The following MTIF2 variants were observed in gnomAD, a reference collection of about 807,000 sequenced individuals.
MTIF2 encodes the protein mitochondrial translational initiation factor 2, also known as translation initiation factor IF-2, mitochondrial.
Under a neutral mutation model 83.5 loss-of-function variants are expected in MTIF2, and 71 were observed. The observed-to-expected ratio is 0.85, with a 90% CI of 0.70 to 1.04. The LOEUF is 1.04. Ranked by LOEUF, MTIF2 falls within the 50% of genes least tolerant of loss-of-function variation. The pLI is 0.00. For synonymous variants in MTIF2, 319 were observed against 287.1 expected (o/e 1.11, Z -1.12); for missense variants, 957 against 846.5 (o/e 1.13, Z -1.62).
rs1676933022 is a variant in MTIF2, at chr2:55,249,419, T to G, written c.957A>C (p.Gln319His). 1.2e-6 allele frequency: 2 copies of G among 1,614,066 alleles called. No individual in the cohort carries two copies. Among genetic ancestry groups the G allele is most frequent in the Non-Finnish European group, 1.7e-6 (2 of 1,180,030 alleles). ...VVCEDYGGDVQAVPVSALTGD... is the reference protein window; with the variant it reads ...VVCEDYGGDVHAVPVSALTGD... ...CCGTAAGTGCGGAGACAGGCACTGCTTGAACATCACCTCCATAATCTTCAC... is the reference window on the plus strand; with the variant it reads ...CCGTAAGTGCGGAGACAGGCACTGCGTGAACATCACCTCCATAATCTTCAC... The change falls in exon 9 of 16, where the codon CAA becomes CAC. Residue 319 changes from glutamine to histidine, a missense_variant. Gln to His is a conservative substitution (Grantham distance 24, BLOSUM62 0). Around this residue, in one of 3 missense-constraint regions of MTIF2, gnomAD observed 733 missense variants for 648.7 expected, o/e 1.13. Coordinates refer to ENST00000263629, the MANE Select transcript of MTIF2 (RefSeq NM_002453.3).
Position 55,261,221 on chromosome 2 carries a change from C to G in MTIF2, c.331+1095G>C, listed in dbSNP as rs556125609. On this transcript the variant is annotated intron_variant, in intron 5 of 15. Transcript: ENST00000263629. ...GACAGGATGGTCTCGATCTCCTGAC[C>G]TAGCCTCCCAAAGTGTTGGAATTAC... Among the ~76,000 whole-genome samples, 6 of 152,206 alleles carry G rather than the reference C, an allele frequency of 3.9e-5. No homozygotes were observed. The South Asian group carries it at 1.2e-3, about 32-fold the overall frequency.
At chr2:55,237,157 T>A in intron 15 of MTIF2, 131 bp downstream of exon 15, 1 of 1,066,054 alleles carries the variant, frequency 9.4e-7, no homozygotes, top group Non-Finnish European at 1.3e-6. Context: ...AATTTAGGGG[T>A]TTCAATAGCA....
At chr2:55,242,088 G>C (rs1573857277) in intron 13 of MTIF2, among the ~76,000 whole-genome samples, 1 of 150,652 alleles carries the variant, frequency 6.6e-6, no homozygotes, top group East Asian at 1.9e-4. Context: ...GTTGCAGTGA[G>C]CCGAGACCGT....
chr2:55,245,752 A>T (rs1209474795), intron 10 of MTIF2, among the ~76,000 whole-genome samples: 2 of 16,420 alleles, frequency 1.2e-4, no homozygotes, highest in Admixed American at 8.2e-4. Flanking sequence ...ACCATAATTT[A>T]AAAAAAAAAT....
At chr2:55,238,074 A>G (rs1237971446) in intron 14 of MTIF2, among the ~76,000 whole-genome samples, 1 of 150,394 alleles carries the variant, frequency 6.6e-6, no homozygotes, top group Non-Finnish European at 1.5e-5. Flanking sequence ...AAATTTTTAT[A>G]GATGGGTCAC....
intron 8 of MTIF2, among the ~76,000 whole-genome samples, chr2:55,251,970 T>C (rs532020463): frequency 5.6e-4 from 86 of 152,346 alleles, no homozygotes; most frequent in African/African-American, 2.0e-3. Context: ...TTATAACTTT[T>C]AAATGAAGAA....
At chr2:55,261,264 C>T (rs972257366) in intron 5 of MTIF2, among the ~76,000 whole-genome samples, 6 of 152,114 alleles carry the variant, frequency 3.9e-5, no homozygotes, top group Admixed American at 6.5e-5. Flanking sequence ...AGCCACCGTG[C>T]CTGGCTACTA....
chr2:55,252,654 CTG>C lies in MTIF2; in HGVS notation c.665-3_665-2del, dbSNP rs1677186933. 6.2e-7 allele frequency: 1 copy of C among 1,607,532 alleles called. No homozygotes were observed. The highest frequency in any genetic ancestry group is 8.5e-7 in the Non-Finnish European group (1 of 1,176,214). The stretch of plus-strand genomic sequence containing the variant: ...ATCTTTTCCCCAGAAGGCAGAGAGA[CTG>C]TGGAAACAGAAATTCAAGAACATCA... On this transcript the variant is annotated splice_acceptor_variant and splice_polypyrimidine_tract_variant and intron_variant, in intron 7 of 15. Transcript: ENST00000263629. LOFTEE classifies it high-confidence loss of function.
chr2:55,249,401 T>C lies in MTIF2; in HGVS notation c.975A>G (p.Ala325=). The change falls in exon 9 of 16, where the codon GCA becomes GCG. Residue 325 remains alanine, a synonymous_variant. Transcript: ENST00000263629. ...GGDVQAVPVS[A]LTGDNLMALA... ...ATGAGGTCCCCGCATTTACCGTAAG[T>C]GCGGAGACAGGCACTGCTTGAACAT... is the stretch of plus-strand genomic sequence containing the variant. 1 of 1,614,112 alleles carries C rather than the reference T, an allele frequency of 6.2e-7. No individual in the cohort carries two copies. Among genetic ancestry groups the C allele is most frequent in the Non-Finnish European group, 8.5e-7 (1 of 1,179,994 alleles).
At chr2:55,240,434 G>T (rs1676218643) in intron 13 of MTIF2, among the ~76,000 whole-genome samples, 1 of 152,052 alleles carries the variant, frequency 6.6e-6, no homozygotes, top group Admixed American at 6.6e-5. Context: ...TACAAAATTA[G>T]CCGGGCGTGG....
At chr2:55,249,809 G>A (rs1404127118) in intron 8 of MTIF2, among the ~76,000 whole-genome samples, 1 of 151,936 alleles carries the variant, frequency 6.6e-6, no homozygotes, top group Non-Finnish European at 1.5e-5. Context: ...CAATACAGTC[G>A]GGCTGGGTGC....
At chr2:55,236,990 G>A (rs535009418) in intron 15 of MTIF2, among the ~76,000 whole-genome samples, 170 bp from the exon 16 acceptor site, 26 of 152,296 alleles carry the variant, frequency 1.7e-4, no homozygotes, top group African/African-American at 5.5e-4. Flanking sequence ...CAAAAATGAA[G>A]TTTGCTGTGA....
At chr2:55,260,400 CAAA>C (rs70947016) in intron 5 of MTIF2, among the ~76,000 whole-genome samples, 3 of 87,372 alleles carry the variant, frequency 3.4e-5, no homozygotes, top group Admixed American at 2.2e-4. Context: ...AACTCTGTCT[CAAA>C]AAAAAAAAAA....
At chr2:55,237,557 G>C (rs1314795406) in intron 14 of MTIF2, 129 bp from the exon 15 acceptor site, 1 of 777,680 alleles carries the variant, frequency 1.3e-6, no homozygotes, top group Non-Finnish European at 1.8e-6. Context: ...AAAAAAGTCT[G>C]GGTTTCTTTA....
chr2:55,262,448 T>C (rs1407917677), intron 4 of MTIF2, 21 bp from the exon 5 acceptor site: 1 of 1,524,636 alleles, frequency 6.6e-7, no homozygotes, highest in Admixed American at 1.9e-5. Flanking sequence ...AATCAGAACA[T>C]ATAAACAAAA....
At chr2:55,251,110 C>CAAAAAAAAAA in intron 8 of MTIF2, among the ~76,000 whole-genome samples, 1 of 71,154 alleles carries the variant, frequency 1.4e-5, no homozygotes, top group Admixed American at 1.9e-4. Flanking sequence ...AACTCCGTCT[C>CAAAAAAAAAA]AAAAAAAAAA....
chr2:55,265,655 A>G (rs542803244), intron 3 of MTIF2, among the ~76,000 whole-genome samples: 5 of 152,204 alleles, frequency 3.3e-5, no homozygotes, highest in African/African-American at 7.2e-5. Flanking sequence ...TTTAATATAT[A>G]TATTTTCAAC....
intron 10 of MTIF2, among the ~76,000 whole-genome samples, chr2:55,244,797 AG>A (rs1259693976): frequency 6.6e-6 from 1 of 152,120 alleles, no homozygotes; most frequent in Non-Finnish European, 1.5e-5. Context: ...CTGTAATCCC[AG>A]TACTTTGGGA....
At position 55,265,664 on chromosome 2, in the gene MTIF2, A is replaced by G. The variant is rs147822968; in HGVS notation, c.-7-1799T>C. 2.6e-5 allele frequency among the ~76,000 whole-genome samples: 4 copies of G among 152,004 alleles called. No homozygotes were observed. In the East Asian group the frequency reaches 7.7e-4, roughly 29 times the overall value. On this transcript the variant is annotated intron_variant, in intron 3 of 15. Transcript: ENST00000263629. The stretch of plus-strand genomic sequence containing the variant: ...TAACATTTTAATATATATATTTTCA[A>G]CTCTTTTCTTTGTGCTTTTATCTAT...
Sources: gnomAD v4.1 joint callset for allele counts (sites outside exome capture counted in the v4.1 genomes callset) on GRCh38, gnomAD v4.1.1 for gene constraint, gnomAD v4.1.1 regional missense constraint, MANE v1.5 for transcripts, NCBI Gene and HGNC (gene_info 2026-07-23, HGNC 2026-07-21) for gene names.